The following CENPP variants were observed in gnomAD, a reference collection of about 807,000 sequenced individuals.
The protein encoded by CENPP is centromere protein P.
Under a neutral mutation model 35.6 loss-of-function variants are expected in CENPP, and 24 were observed. The ratio of observed to expected loss-of-function variants is 0.67; its 90% CI spans 0.49 to 0.95. The LOEUF (loss-of-function observed/expected upper bound fraction) is 0.95, where lower values mean the gene tolerates loss of function less well. Among genes scored for constraint, CENPP ranks in the 40% least tolerant of loss-of-function variants. The pLI, the probability that CENPP is intolerant of heterozygous loss-of-function variation, is 0.00. For missense variants in CENPP, 332 were observed against 345.3 expected, an observed-to-expected ratio of 0.96 and a Z score of 0.31; for synonymous variants, 120 against 125.5, an observed-to-expected ratio of 0.96 and a Z score of 0.29.
intron 5 of CENPP, among the ~76,000 whole-genome samples, chr9:92,427,997 C>G (rs567356655): frequency 2.8e-4 from 43 of 152,194 alleles, no homozygotes; most frequent in Non-Finnish European, 5.3e-4. Flanking sequence ...AAGTAACCAC[C>G]TCTCAGCATT....
chr9:92,437,701 A>G (rs1844283049), intron 5 of CENPP, among the ~76,000 whole-genome samples: 1 of 152,124 alleles, frequency 6.6e-6, no homozygotes, highest in South Asian at 2.1e-4. Flanking sequence ...CATTGTGCCT[A>G]GGCTTTTCAT....
chr9:92,612,780 G>T (rs775135645), intron 7 of CENPP, among the ~76,000 whole-genome samples, 166 bp downstream of exon 7: 4 of 152,120 alleles, frequency 2.6e-5, no homozygotes, highest in African/African-American at 4.8e-5. Flanking sequence ...CACTCAAAAA[G>T]AACATGAAAA....
chr9:92,371,583 G>A (rs1842005252), intron 4 of CENPP, among the ~76,000 whole-genome samples: 2 of 152,260 alleles, frequency 1.3e-5, no homozygotes, highest in African/African-American at 4.8e-5. Context: ...TGTACATTCT[G>A]CAGTTGTTGG....
intron 4 of CENPP, among the ~76,000 whole-genome samples, chr9:92,357,029 T>A (rs1334656917): frequency 1.3e-5 from 2 of 152,198 alleles, no homozygotes; most frequent in African/African-American, 2.4e-5. Context: ...TAGAAAATAA[T>A]GTGGAGTCAC....
intron 5 of CENPP, among the ~76,000 whole-genome samples, chr9:92,547,830 A>T (rs1849504870): frequency 6.6e-6 from 1 of 152,146 alleles, no homozygotes; most frequent in South Asian, 2.1e-4. Context: ...GATAGCTGTT[A>T]TTTTTTTAAA....
Position 92,325,977 on chromosome 9 carries a change from C to G in CENPP, c.-22C>G, listed in dbSNP as rs1041964607. 2.8e-5 allele frequency: 43 copies of G among 1,542,190 alleles called. 1 individual carries two copies. The Admixed American group carries it at 7.5e-4, about 27-fold the overall frequency. On this transcript the variant is annotated 5_prime_UTR_variant, in exon 1 of 8. Transcript: ENST00000375587. ...CGGAGTGACAGCTGCGCTGCCGGCCCGGCTGCGGTCAGCAACGCGCCATGG... is the reference window on the plus strand; with the variant it reads ...CGGAGTGACAGCTGCGCTGCCGGCCGGGCTGCGGTCAGCAACGCGCCATGG...
At position 92,597,477 on chromosome 9, in the gene CENPP, A is replaced by C. The variant is rs545076691; in HGVS notation, c.565-13837A>C. 4.6e-5 allele frequency among the ~76,000 whole-genome samples: 7 copies of C among 152,348 alleles called. No individual in the cohort carries two copies. In the South Asian group the frequency reaches 1.4e-3, roughly 32 times the overall value. ...TGTTTTTAGACAGCATTACTTTGAG[A>C]TTTATGAAATAATGAGAGTTTAAAC... On this transcript the variant is annotated intron_variant, in intron 5 of 7. Transcript: ENST00000375587.
intron 5 of CENPP, among the ~76,000 whole-genome samples, chr9:92,388,853 G>A (rs976130311): frequency 1.3e-5 from 2 of 148,460 alleles, no homozygotes; most frequent in African/African-American, 4.9e-5. Flanking sequence ...AAAAAAAGGT[G>A]TATCTGCTTT....
At chr9:92,454,674 C>A (rs867417228) in intron 5 of CENPP, among the ~76,000 whole-genome samples, 2 of 152,206 alleles carry the variant, frequency 1.3e-5, no homozygotes, top group African/African-American at 4.8e-5. Context: ...GTTTACAAAG[C>A]ATTGCATATA....
chr9:92,460,269 C>T (rs964103160), intron 5 of CENPP, among the ~76,000 whole-genome samples: 2 of 151,932 alleles, frequency 1.3e-5, no homozygotes, highest in Admixed American at 6.6e-5. Flanking sequence ...CTCCTGACCT[C>T]GGGATCTGCC....
chr9:92,491,440 C>T (rs1846169765), intron 5 of CENPP, among the ~76,000 whole-genome samples: 1 of 152,172 alleles, frequency 6.6e-6, no homozygotes, highest in African/African-American at 2.4e-5. Context: ...TTCTGTGTCC[C>T]TCCCTTGAAG....
chr9:92,435,527 A>G (rs887418715), intron 5 of CENPP, among the ~76,000 whole-genome samples: 1 of 152,186 alleles, frequency 6.6e-6, no homozygotes, highest in African/African-American at 2.4e-5. Context: ...TATCCCTGCA[A>G]GAGTTTCACA....
Position 92,374,119 on chromosome 9 carries a change from C to CAA in CENPP, c.468-5624_468-5623dup, listed in dbSNP as rs35803886. ...CTTGCTTTCCTGTTCCAGCAGTGAC[C>CAA]AAAAAAAAAAAAAAAAAAAAATTAT... On this transcript the variant is annotated intron_variant, in intron 4 of 7. Transcript: ENST00000375587. Among the ~76,000 whole-genome samples, 689 of 97,698 alleles carry CAA rather than the reference C, an allele frequency of 7.1e-3. 8 individuals carry two copies. Among genetic ancestry groups the CAA allele is most frequent in the Admixed American group, 9.1e-3 (80 of 8,836 alleles). 64.1% of individuals were successfully genotyped at this position (97,698 alleles called of 152,430 possible).
chr9:92,562,588 G>A (rs1197886548), intron 5 of CENPP, among the ~76,000 whole-genome samples: 1 of 152,086 alleles, frequency 6.6e-6, no homozygotes, highest in Non-Finnish European at 1.5e-5. Context: ...GGTGTCCTGG[G>A]TTTGGGAAGC....
chr9:92,529,411 A>C (rs549653496), intron 5 of CENPP, among the ~76,000 whole-genome samples: 4 of 152,166 alleles, frequency 2.6e-5, no homozygotes, highest in Non-Finnish European at 5.9e-5. Flanking sequence ...TTCTTTTAAA[A>C]CTTAACATAC....
chr9:92,407,579 T>A (rs1843339389), intron 5 of CENPP, among the ~76,000 whole-genome samples: 1 of 152,182 alleles, frequency 6.6e-6, no homozygotes, highest in Admixed American at 6.5e-5. Flanking sequence ...AGAGCAGGCA[T>A]TGTATCCAAA....
intron 5 of CENPP, among the ~76,000 whole-genome samples, chr9:92,448,172 T>C (rs1350692554): frequency 6.6e-6 from 1 of 152,138 alleles, no homozygotes; most frequent in Non-Finnish European, 1.5e-5. Flanking sequence ...TGCAGCATTG[T>C]AGTAAAGAAA....
chr9:92,388,004 T>A (rs1842504586), intron 5 of CENPP, among the ~76,000 whole-genome samples: 1 of 151,848 alleles, frequency 6.6e-6, no homozygotes, highest in Non-Finnish European at 1.5e-5. Context: ...GCTCAGGCAA[T>A]CTGCCCGCCT....
At chr9:92,409,662 A>C (rs578241915) in intron 5 of CENPP, among the ~76,000 whole-genome samples, 1 of 152,336 alleles carries the variant, frequency 6.6e-6, no homozygotes, top group Non-Finnish European at 1.5e-5. Flanking sequence ...ATATTTGTTA[A>C]TTAAATGGGT....
Sources: gnomAD v4.1 joint callset for allele counts (sites outside exome capture counted in the v4.1 genomes callset) on GRCh38, gnomAD v4.1.1 for gene constraint, MANE v1.5 for transcripts, NCBI Gene and HGNC (gene_info 2026-07-23, HGNC 2026-07-21) for gene names.